Variants in DLG2 observed in about 807,000 individuals in gnomAD.
DLG2 encodes discs large MAGUK scaffold protein 2, also known as disks large homolog 2.
DLG2 carries 45 observed loss-of-function variants against 132.5 expected under a neutral mutation model. The ratio of observed to expected loss-of-function variants is 0.34; its 90% CI spans 0.27 to 0.44. The LOEUF (loss-of-function observed/expected upper bound fraction) is 0.44, where lower values mean the gene tolerates loss of function less well. Ranked by LOEUF, DLG2 falls within the 20% of genes least tolerant of loss-of-function variation. The pLI is 1.00. For synonymous variants in DLG2, 424 were observed against 419.6 expected (o/e 1.01, Z -0.13); for missense variants, 1,045 against 1,196.9 (o/e 0.87, Z 1.87).
chr11:84,712,360 G>T (rs551955473), intron 6 of DLG2, among the ~76,000 whole-genome samples: 1 of 152,134 alleles, frequency 6.6e-6, no homozygotes, highest in East Asian at 1.9e-4. Flanking sequence ...GTATTGTCAA[G>T]GGGGTCAAAA....
intron 6 of DLG2, among the ~76,000 whole-genome samples, chr11:84,604,521 C>T (rs1000319900): frequency 2.6e-5 from 4 of 151,914 alleles, no homozygotes; most frequent in African/African-American, 4.8e-5. Flanking sequence ...ATTTCATCTT[C>T]CTGATTTATG....
chr11:84,615,958 T>G (rs1179188065), intron 6 of DLG2, among the ~76,000 whole-genome samples: 1 of 151,790 alleles, frequency 6.6e-6, no homozygotes. Flanking sequence ...ATATATATAG[T>G]GACGAGGTTC....
At chr11:85,305,130 G>A (rs574133237) in intron 3 of DLG2, among the ~76,000 whole-genome samples, 1 of 152,300 alleles carries the variant, frequency 6.6e-6, no homozygotes, top group East Asian at 1.9e-4. Context: ...TTCTGGTTTT[G>A]AGAAGCTTAC....
At chr11:84,536,882 T>C (rs971753050) in intron 6 of DLG2, among the ~76,000 whole-genome samples, 1 of 152,184 alleles carries the variant, frequency 6.6e-6, no homozygotes, top group African/African-American at 2.4e-5. Context: ...CCATAAGTTC[T>C]CAGCTGGGCT....
intron 7 of DLG2, among the ~76,000 whole-genome samples, chr11:84,439,204 AATTT>A (rs1158468082): frequency 6.6e-6 from 1 of 152,124 alleles, no homozygotes; most frequent in African/African-American, 2.4e-5. Flanking sequence ...CTTTGCTTCT[AATTT>A]ATTTATTTGT....
At chr11:85,325,163 A>G (rs2081367629) in intron 3 of DLG2, among the ~76,000 whole-genome samples, 1 of 142,514 alleles carries the variant, frequency 7.0e-6, no homozygotes, top group African/African-American at 2.6e-5. Context: ...GCAGTCTGAG[A>G]TCAAACTGCA....
chr11:84,333,880 A>G (rs545036705), intron 7 of DLG2, among the ~76,000 whole-genome samples: 81 of 152,352 alleles, frequency 5.3e-4, no homozygotes, highest in Non-Finnish European at 9.3e-4. Flanking sequence ...TGTCACAAAT[A>G]CAATGACACT....
rs12269922 is a variant in DLG2, at chr11:84,772,823, A to G, written c.358-238092T>C. 1.7e-3 allele frequency among the ~76,000 whole-genome samples: 259 copies of G among 152,310 alleles called. 1 individual carries two copies. The highest frequency in any genetic ancestry group is 5.7e-3 in the African/African-American group (239 of 41,578). On this transcript the variant is annotated intron_variant, in intron 6 of 27. Transcript: ENST00000376104. ...CGGTAAGAGGAAAGTTTACAGTACT[A>G]AAGTCCTACATCAAATATTATAAAG...
At chr11:83,977,407 A>G (rs1325252813) in intron 12 of DLG2, among the ~76,000 whole-genome samples, 2 of 152,040 alleles carry the variant, frequency 1.3e-5, no homozygotes, top group African/African-American at 2.4e-5. Context: ...CACCTTATAT[A>G]CTATTCAGGC....
intron 7 of DLG2, among the ~76,000 whole-genome samples, chr11:84,318,910 G>C (rs190172129): frequency 6.6e-6 from 1 of 152,098 alleles, no homozygotes; most frequent in Admixed American, 6.5e-5. Context: ...TGGTTGGGTG[G>C]AAGTATAAAT....
At chr11:84,958,236 C>A (rs76918410) in intron 6 of DLG2, among the ~76,000 whole-genome samples, 13,722 of 152,140 alleles carry the variant, frequency 0.09, 737 homozygotes, top group Middle Eastern at 0.23. Context: ...CCCACCCTGG[C>A]AAATTCCAGT....
intron 3 of DLG2, among the ~76,000 whole-genome samples, chr11:85,357,877 A>T (rs2083862501): frequency 6.6e-6 from 1 of 151,356 alleles, no homozygotes; most frequent in African/African-American, 2.4e-5. Flanking sequence ...ATTGAAGAAC[A>T]GGAAGGATAA....
intron 7 of DLG2, among the ~76,000 whole-genome samples, chr11:84,456,987 A>G (rs1344434851): frequency 9.9e-5 from 15 of 151,280 alleles, no homozygotes; most frequent in African/African-American, 2.4e-5. Context: ...GTTTAAGGTT[A>G]GCCAAGAGTT....
At chr11:83,583,367 C>A (rs1298795242) in intron 19 of DLG2, among the ~76,000 whole-genome samples, 1 of 152,180 alleles carries the variant, frequency 6.6e-6, no homozygotes, top group Non-Finnish European at 1.5e-5. Flanking sequence ...CAAGCCCGGG[C>A]ATTGCCCTTC....
intron 7 of DLG2, among the ~76,000 whole-genome samples, chr11:84,359,453 T>C (rs761374314): frequency 3.3e-5 from 5 of 151,948 alleles, no homozygotes; most frequent in Non-Finnish European, 7.4e-5. Flanking sequence ...AAAGAGTTAA[T>C]ACATTTCCCG....
chr11:85,043,903 T>C (rs1337176631), intron 6 of DLG2, among the ~76,000 whole-genome samples: 2 of 151,906 alleles, frequency 1.3e-5, no homozygotes, highest in African/African-American at 4.8e-5. Flanking sequence ...ATAAACCAAT[T>C]TTATATATAC....
intron 3 of DLG2, among the ~76,000 whole-genome samples, chr11:85,377,476 T>A (rs1045186975): frequency 1.3e-5 from 2 of 152,042 alleles, no homozygotes; most frequent in African/African-American, 4.8e-5. Context: ...TGTCTAAAAA[T>A]TCAGATTATA....
chr11:83,683,986 G>A (rs2079269521), intron 18 of DLG2, among the ~76,000 whole-genome samples: 1 of 152,002 alleles, frequency 6.6e-6, no homozygotes, highest in South Asian at 2.1e-4. Context: ...GCCCAAGAAA[G>A]CAAATTTGCA....
intron 7 of DLG2, among the ~76,000 whole-genome samples, chr11:84,276,263 C>A (rs2097782361): frequency 1.3e-5 from 2 of 152,206 alleles, no homozygotes; most frequent in African/African-American, 4.8e-5. Flanking sequence ...CGTTTGGAGG[C>A]CCTAGGTGGC....
Sources: gnomAD v4.1 joint callset for allele counts (sites outside exome capture counted in the v4.1 genomes callset) on GRCh38, gnomAD v4.1.1 for gene constraint, MANE v1.5 for transcripts, NCBI Gene and HGNC (gene_info 2026-07-23, HGNC 2026-07-21) for gene names.